CLK1: variants seen among roughly 807,000 people sequenced by gnomAD.
CLK1 encodes CDC like kinase 1.
A neutral mutation model predicts 60.9 loss-of-function variants in CLK1; 40 were observed. The ratio of observed to expected loss-of-function variants is 0.66; its 90% CI spans 0.51 to 0.86. CLK1 has a LOEUF of 0.86. Among genes scored for constraint, CLK1 ranks in the 40% least tolerant of loss-of-function variants. CLK1 has a pLI of 0.00. For synonymous variants in CLK1, 203 were observed against 184.4 expected, an observed-to-expected ratio of 1.10 and a Z score of -0.82; for missense variants, 563 against 606.1, an observed-to-expected ratio of 0.93 and a Z score of 0.75.
chr2:200,860,113 AAT>A lies in CLK1; in HGVS notation c.481+10_481+11del, dbSNP rs1432653871. ...TCTGAAAAGTTAATAAGTGTTGAAA[AAT>A]ATTCTATACATCTTGCACTTAGTAC... is the stretch of plus-strand genomic sequence containing the variant. On this transcript the variant is annotated intron_variant, in intron 4 of 12. Transcript: ENST00000321356. 6.2e-7 allele frequency: 1 copy of A among 1,612,262 alleles called. No individual in the cohort carries two copies. The highest frequency in any genetic ancestry group is 8.5e-7 in the Non-Finnish European group (1 of 1,178,388).
At chr2:200,864,514 G>C in intron 1 of CLK1, 50 bp downstream of exon 1, 1 of 413,554 alleles carries the variant, frequency 2.4e-6, no homozygotes. Flanking sequence ...GCGCCCGCGA[G>C]GCTCACAGGA....
At chr2:200,864,242 A>C (rs762798255) in intron 1 of CLK1, 3 of 1,539,694 alleles carry the variant, frequency 1.9e-6, no homozygotes, top group Non-Finnish European at 1.7e-6. Context: ...AGCTCCGCCG[A>C]GGCGGTTCAC....
intron 1 of CLK1, 102 bp downstream of exon 1, chr2:200,864,462 G>A: frequency 2.0e-6 from 1 of 511,904 alleles, no homozygotes; most frequent in Non-Finnish European, 3.3e-6. Flanking sequence ...TCGCGCCGGG[G>A]ACGGCGGGCA....
chr2:200,858,405 A>G (rs1297333143), intron 5 of CLK1, among the ~76,000 whole-genome samples: 1 of 152,188 alleles, frequency 6.6e-6, no homozygotes, highest in Non-Finnish European at 1.5e-5. Flanking sequence ...AAGAGTAAAG[A>G]GCTCTAGGAC....
intron 3 of CLK1, 72 bp from the exon 4 acceptor site, chr2:200,860,287 T>C (rs939234131): frequency 1.3e-5 from 21 of 1,598,210 alleles, no homozygotes; most frequent in Non-Finnish European, 1.8e-5. Flanking sequence ...CAGGGCAGAA[T>C]ACGAAATTCA....
At position 200,855,043 on chromosome 2, in the gene CLK1, G is replaced by A. The variant is rs1204126452; in HGVS notation, c.1101C>T (p.Cys367=). 2 of 1,612,942 alleles carry A rather than the reference G, an allele frequency of 1.2e-6. No homozygotes were observed. The highest frequency in any genetic ancestry group is 1.7e-4 in the Middle Eastern group (1 of 6,056). The part of the protein sequence containing the change: ...SQPCDVWSIG[C]ILIEYYLGFT... ...ACCCAAGATAGTATTCAATAAGAAT[G>A]CATCCTATGCTCCAGACATCACATG... The change falls in exon 10 of 13, where the codon TGC becomes TGT. Residue 367 remains cysteine, a synonymous_variant. Coordinates refer to ENST00000321356, the MANE Select transcript of CLK1 (RefSeq NM_004071.4).
At chr2:200,862,911 A>C (rs907751055) in intron 1 of CLK1, among the ~76,000 whole-genome samples, 5 of 152,094 alleles carry the variant, frequency 3.3e-5, no homozygotes, top group Non-Finnish European at 7.4e-5. Context: ...AAAAACAACA[A>C]AACACCATCT....
intron 7 of CLK1, chr2:200,857,202 A>G: frequency 1.9e-6 from 1 of 515,178 alleles, no homozygotes; most frequent in Non-Finnish European, 3.5e-6. Context: ...GCTACTCGGG[A>G]GGCTGAGGCA....
chr2:200,856,146 C>T (rs1429369068), intron 9 of CLK1, among the ~76,000 whole-genome samples: 5 of 151,958 alleles, frequency 3.3e-5, no homozygotes, highest in African/African-American at 4.8e-5. Flanking sequence ...AATCTTGGCT[C>T]ACTGCAACCT....
intron 7 of CLK1, 49 bp from the exon 8 acceptor site, chr2:200,857,034 C>A: frequency 6.8e-7 from 1 of 1,469,780 alleles, no homozygotes; most frequent in Non-Finnish European, 9.4e-7. Flanking sequence ...CAAACCAAAC[C>A]AAATCACAAA....
intron 9 of CLK1, 123 bp downstream of exon 9, chr2:200,856,559 T>C (rs1178570723): frequency 2.1e-5 from 16 of 748,448 alleles, no homozygotes; most frequent in Non-Finnish European, 3.4e-5. Context: ...ATAATGCACT[T>C]CATGATACTT....
At position 200,859,761 on chromosome 2, in the gene CLK1, T is replaced by A. The variant is rs756062243; in HGVS notation, c.482-15A>T. On this transcript the variant is annotated splice_polypyrimidine_tract_variant and intron_variant, in intron 4 of 12. Coordinates refer to ENST00000321356, the MANE Select transcript of CLK1 (RefSeq NM_004071.4). Reference sequence around the variant, plus strand: ...AACAATTTCATCTAAAAGAGAGAAATAAATCTCAGTCATATCAAGAAGTGG... The same window carrying A: ...AACAATTTCATCTAAAAGAGAGAAAAAAATCTCAGTCATATCAAGAAGTGG... The A allele has an allele frequency of 1.9e-5, 30 of 1,612,230 alleles. No individual in the cohort carries two copies. Among genetic ancestry groups the A allele is most frequent in the Non-Finnish European group, 2.5e-5 (30 of 1,178,930 alleles).
chr2:200,853,679 G>GAAAAAAA (rs34449560), intron 12 of CLK1, among the ~76,000 whole-genome samples: 2 of 49,130 alleles, frequency 4.1e-5, no homozygotes, highest in African/African-American at 1.8e-4. Flanking sequence ...GTCTTTACTT[G>GAAAAAAA]AAAAAAAAAA....
At chr2:200,859,518 AAT>A (rs553670094) in intron 5 of CLK1, among the ~76,000 whole-genome samples, 160 bp downstream of exon 5, 12 of 152,258 alleles carry the variant, frequency 7.9e-5, no homozygotes, top group Non-Finnish European at 1.5e-4. Context: ...CTGTTTAAAA[AAT>A]ATGAAGGGGC....
intron 1 of CLK1, among the ~76,000 whole-genome samples, chr2:200,862,596 C>T (rs1317988528): frequency 6.6e-6 from 1 of 152,198 alleles, no homozygotes; most frequent in East Asian, 1.9e-4. Context: ...TGACTCAGCC[C>T]GCCTGCACCC....
At chr2:200,862,010 A>C (rs1429883906) in intron 1 of CLK1, 148 bp from the exon 2 acceptor site, 1 of 654,342 alleles carries the variant, frequency 1.5e-6, no homozygotes, top group African/African-American at 1.8e-5. Context: ...TGATAAATCC[A>C]ATTACTGTGT....
rs140683133 is a variant in CLK1 at position 200,861,457 on chromosome 2, C to G, written c.171G>C (p.Leu57Phe). Residue 57 changes from leucine to phenylalanine, a missense_variant, in exon 3 of 13, where the codon TTG (leucine) becomes TTC (phenylalanine). Transcript: ENST00000321356. ...CTTTCTCATTTATAGACCTGCTTTCCAAATAATGGCTAGAGAAATAAAAAT... is the reference window on the plus strand; with the variant it reads ...CTTTCTCATTTATAGACCTGCTTTCGAAATAATGGCTAGAGAAATAAAAAT... ...NHSKMCDSHY[L>F]ESRSINEKDY... The G allele has an allele frequency of 1.2e-6, 2 of 1,612,058 alleles. No homozygotes were observed. Among genetic ancestry groups the G allele is most frequent in the Non-Finnish European group, 8.5e-7 (1 of 1,179,470 alleles).
chr2:200,853,488 A>C (rs2105732631), intron 12 of CLK1, 39 bp from the exon 13 acceptor site: 1 of 1,541,032 alleles, frequency 6.5e-7, no homozygotes, highest in Non-Finnish European at 8.8e-7. Context: ...AGCCTTTTCC[A>C]CTACCATTGA....
At position 200,854,699 on chromosome 2, in the gene CLK1, G is replaced by C. The variant is rs564904754; in HGVS notation, c.1141-4C>G. The C allele has an allele frequency of 8.2e-6, 13 of 1,593,368 alleles. No individual in the cohort carries two copies. Among genetic ancestry groups the C allele is most frequent in the Non-Finnish European group, 1.1e-5 (13 of 1,162,274 alleles). On this transcript the variant is annotated splice_polypyrimidine_tract_variant and splice_region_variant and intron_variant, in intron 10 of 12. Transcript: ENST00000321356. Reference sequence around the variant, plus strand: ...AATGCTCCTTACTATCGTGTGTCTAGAAATAAAATAAAAACAGACTTGGGG... The same window carrying C: ...AATGCTCCTTACTATCGTGTGTCTACAAATAAAATAAAAACAGACTTGGGG...
Sources: gnomAD v4.1 joint callset for allele counts (sites outside exome capture counted in the v4.1 genomes callset) on GRCh38, gnomAD v4.1.1 for gene constraint, MANE v1.5 for transcripts, NCBI Gene and HGNC (gene_info 2026-07-23, HGNC 2026-07-21) for gene names.